The following IL1RAPL2 variants were observed in gnomAD, a reference collection of about 807,000 sequenced individuals.
IL1RAPL2 encodes interleukin 1 receptor accessory protein like 2, also known as X-linked interleukin-1 receptor accessory protein-like 2.
IL1RAPL2 carries 3 observed loss-of-function variants against 44.1 expected under a neutral mutation model. The observed-to-expected ratio is 0.07, with a 90% confidence interval of 0.03 to 0.18. The LOEUF is 0.18. Ranked by LOEUF, IL1RAPL2 falls within the 10% of genes least tolerant of loss-of-function variation. The probability of loss-of-function intolerance (pLI) is 1.00; values close to 1 mark genes in which losing one functional copy is unlikely to be tolerated. For missense variants in IL1RAPL2, 391 were observed against 496.4 expected (o/e 0.79, Z 2.02); for synonymous variants, 181 against 178.8 (o/e 1.01, Z -0.10).
At chrX:105,101,172 A>G (rs1346734225) in intron 2 of IL1RAPL2, among the ~76,000 whole-genome samples, 1 of 112,331 alleles carries the variant, frequency 8.9e-6, no homozygotes, top group Non-Finnish European at 1.9e-5. Context: ...TTAGTGACGA[A>G]AAAAATGGCT....
chrX:105,189,519 CCGCACAGG>C (rs2033617305), intron 2 of IL1RAPL2, among the ~76,000 whole-genome samples: 1 of 112,090 alleles, frequency 8.9e-6, no homozygotes, highest in Non-Finnish European at 1.9e-5. Context: ...GTGTGAGCCA[CCGCACAGG>C]CTCACACACA....
chrX:105,595,105 A>C (rs1308129297), intron 6 of IL1RAPL2, among the ~76,000 whole-genome samples: 1 of 112,105 alleles, frequency 8.9e-6, no homozygotes, highest in African/African-American at 3.2e-5. Flanking sequence ...CATTTTAACA[A>C]TAGCACAGAG....
intron 6 of IL1RAPL2, among the ~76,000 whole-genome samples, chrX:105,620,391 C>T (rs2037411092): frequency 9.0e-6 from 1 of 111,081 alleles, no homozygotes; most frequent in African/African-American, 3.3e-5. Context: ...TTAACCTCCA[C>T]TTGCAGTGCA....
At position 105,169,492 on chromosome X, in the gene IL1RAPL2, C is replaced by CTTTTTTTTTTTTTTTTTTT. The variant is rs748101220; in HGVS notation, c.83-25971_83-25953dup. ...TGAGAAACTTTCAGTTTCTTTCTTT[C>CTTTTTTTTTTTTTTTTTTT]TTTTTTTTTTTTTTTTTTTTTTTTT... On this transcript the variant is annotated intron_variant, in intron 2 of 10. Transcript: ENST00000372582. Among the ~76,000 whole-genome samples, 27 of 41,561 alleles carry CTTTTTTTTTTTTTTTTTTT rather than the reference C, an allele frequency of 6.5e-4. 9 individuals carry two copies. The highest frequency in any genetic ancestry group is 3.6e-3 in the African/African-American group (26 of 7,272). 36.1% of individuals were successfully genotyped at this position (41,561 alleles called of 115,157 possible). A position where few individuals can be genotyped will look rare whatever the true frequency, so the allele number is the denominator to read the frequency against.
chrX:105,116,239 G>C (rs2032860871), intron 2 of IL1RAPL2, among the ~76,000 whole-genome samples: 1 of 112,649 alleles, frequency 8.9e-6, no homozygotes, highest in Non-Finnish European at 1.9e-5. Flanking sequence ...GTGAGCAAGG[G>C]CTGCAAGGGC....
At chrX:105,031,237 C>A (rs2031487646) in intron 2 of IL1RAPL2, among the ~76,000 whole-genome samples, 2 of 107,612 alleles carry the variant, frequency 1.9e-5, no homozygotes, top group African/African-American at 6.8e-5. Context: ...CCCTTTATTT[C>A]CTTCTCCTGC....
intron 2 of IL1RAPL2, among the ~76,000 whole-genome samples, chrX:104,783,147 T>C (rs1387124447): frequency 8.9e-6 from 1 of 111,736 alleles, no homozygotes; most frequent in Non-Finnish European, 1.9e-5. Flanking sequence ...CAGTAGAAAA[T>C]GTTTCTCTAT....
chrX:105,061,420 A>G (rs185803284), intron 2 of IL1RAPL2, among the ~76,000 whole-genome samples: 19 of 111,610 alleles, frequency 1.7e-4, no homozygotes, highest in South Asian at 3.7e-4. Context: ...TATTATTTCA[A>G]TGTTTTTCAA....
At chrX:105,228,539 T>C (rs2034039038) in intron 3 of IL1RAPL2, among the ~76,000 whole-genome samples, 1 of 112,403 alleles carries the variant, frequency 8.9e-6, no homozygotes, top group African/African-American at 3.2e-5. Context: ...TATTTTCCCT[T>C]AGAAATACAT....
chrX:105,243,795 A>C (rs782714275), intron 4 of IL1RAPL2, among the ~76,000 whole-genome samples: 27 of 109,866 alleles, frequency 2.5e-4, no homozygotes, highest in Non-Finnish European at 3.8e-4. Flanking sequence ...CTCAGCATGG[A>C]TAGATCTGTA....
intron 4 of IL1RAPL2, among the ~76,000 whole-genome samples, chrX:105,246,812 G>A (rs1231781576): frequency 2.7e-5 from 3 of 111,332 alleles, no homozygotes; most frequent in Admixed American, 1.9e-4. Context: ...CAACTGGGTC[G>A]ATTTAAATTT....
chrX:104,641,195 AGGT>A lies in IL1RAPL2; in HGVS notation c.-19-17696_-19-17694del, dbSNP rs1329021803. 1.4e-3 allele frequency among the ~76,000 whole-genome samples: 157 copies of A among 111,625 alleles called. 1 individual carries two copies. The highest frequency in any genetic ancestry group is 4.8e-3 in the African/African-American group (149 of 30,736). On this transcript the variant is annotated intron_variant, in intron 1 of 10. Transcript: ENST00000372582. ...GGCACTTGCAGGTAGATGCCAGCTG[AGGT>A]GGTAGTGGCTAGGAGTTTAGGCCCA... is the stretch of plus-strand genomic sequence containing the variant.
chrX:104,718,938 A>G (rs1189719331), intron 2 of IL1RAPL2, among the ~76,000 whole-genome samples: 1 of 112,059 alleles, frequency 8.9e-6, no homozygotes, highest in African/African-American at 3.2e-5. Context: ...TAAGTAAACG[A>G]ATAAGCTTAG....
At chrX:105,250,195 T>G (rs182440236) in intron 4 of IL1RAPL2, among the ~76,000 whole-genome samples, 1 of 110,608 alleles carries the variant, frequency 9.0e-6, no homozygotes, top group East Asian at 2.8e-4. Flanking sequence ...GTTGCCAAGG[T>G]GTTGTGGAGG....
At chrX:105,019,737 T>C in intron 2 of IL1RAPL2, among the ~76,000 whole-genome samples, 1 of 111,740 alleles carries the variant, frequency 8.9e-6, no homozygotes, top group Non-Finnish European at 1.9e-5. Flanking sequence ...AAAGTAATTA[T>C]AGAACTCAAC....
chrX:104,634,121 C>T (rs1451017960), intron 1 of IL1RAPL2, among the ~76,000 whole-genome samples: 1 of 111,415 alleles, frequency 9.0e-6, no homozygotes, highest in Admixed American at 9.6e-5. Context: ...CATTCAGGAG[C>T]AGGTTGTTCA....
chrX:104,695,961 C>T (rs754918102), intron 2 of IL1RAPL2, among the ~76,000 whole-genome samples: 2 of 111,140 alleles, frequency 1.8e-5, no homozygotes, highest in Admixed American at 1.9e-4. Flanking sequence ...GCGCCCGCCA[C>T]CACACCCGGC....
chrX:105,292,054 C>A (rs1156378914), intron 5 of IL1RAPL2, among the ~76,000 whole-genome samples: 2 of 110,734 alleles, frequency 1.8e-5, no homozygotes, highest in African/African-American at 3.3e-5. Context: ...GAATTCCCTG[C>A]ATATACTGAG....
intron 2 of IL1RAPL2, among the ~76,000 whole-genome samples, chrX:105,111,020 A>G (rs1020160864): frequency 1.8e-5 from 2 of 111,883 alleles, no homozygotes; most frequent in African/African-American, 6.5e-5. Context: ...TAAAAGTTTA[A>G]ATTTTCTTTC....
Sources: gnomAD v4.1 joint callset for allele counts (sites outside exome capture counted in the v4.1 genomes callset) on GRCh38, gnomAD v4.1.1 for gene constraint, MANE v1.5 for transcripts, NCBI Gene and HGNC (gene_info 2026-07-23, HGNC 2026-07-21) for gene names.